Variants in GRIA1 observed in about 807,000 individuals in gnomAD.
GRIA1 encodes glutamate receptor 1.
In GRIA1, 31 loss-of-function variants were observed where a neutral mutation model predicts 99.2. The ratio of observed to expected loss-of-function variants is 0.31; its 90% CI spans 0.23 to 0.42. The LOEUF is 0.42. Ranked by LOEUF, GRIA1 falls within the 10% of genes least tolerant of loss-of-function variation. The pLI, the probability that GRIA1 is intolerant of heterozygous loss-of-function variation, is 1.00. For synonymous variants in GRIA1, 438 were observed against 432.4 expected (o/e 1.01, Z -0.16); for missense variants, 782 against 1,157.5 (o/e 0.68, Z 4.71).
intron 2 of GRIA1, among the ~76,000 whole-genome samples, chr5:153,538,696 A>C (rs913926366): frequency 6.6e-6 from 1 of 151,812 alleles, no homozygotes; most frequent in Admixed American, 6.6e-5. Context: ...CCACCCACCC[A>C]CCCTTTTTGT....
At position 153,525,974 on chromosome 5, in the gene GRIA1, A is replaced by G. The variant is rs372030759; in HGVS notation, c.220+31909A>G. Among the ~76,000 whole-genome samples, 8 of 152,202 alleles carry G rather than the reference A, an allele frequency of 5.3e-5. No homozygotes were observed. The East Asian group carries it at 1.2e-3, about 22-fold the overall frequency. On this transcript the variant is annotated intron_variant, in intron 2 of 15. Coordinates refer to ENST00000285900, the MANE Select transcript of GRIA1 (RefSeq NM_000827.4). ...CAAGTTTCCTATTAGTAATTTAGCAACAGTCACTCAACACTGTAAAAGAAA... is the reference window on the plus strand; with the variant it reads ...CAAGTTTCCTATTAGTAATTTAGCAGCAGTCACTCAACACTGTAAAAGAAA...
chr5:153,752,532 A>C (rs1191148031), intron 11 of GRIA1, among the ~76,000 whole-genome samples: 7 of 152,324 alleles, frequency 4.6e-5, no homozygotes, highest in South Asian at 4.1e-4. Flanking sequence ...AGCACTTTGC[A>C]GGAAATCCAT....
chr5:153,769,475 G>GA (rs989975236), intron 12 of GRIA1, among the ~76,000 whole-genome samples: 2 of 152,082 alleles, frequency 1.3e-5, no homozygotes, highest in Admixed American at 6.5e-5. Context: ...ATCTCAAGTG[G>GA]AAAAAACAGT....
intron 2 of GRIA1, among the ~76,000 whole-genome samples, chr5:153,531,930 G>A (rs1758130684): frequency 6.6e-6 from 1 of 152,138 alleles, no homozygotes; most frequent in African/African-American, 2.4e-5. Flanking sequence ...CAGGTAGTGA[G>A]TAAGTGGTAG....
At chr5:153,536,786 G>A (rs1193913130) in intron 2 of GRIA1, among the ~76,000 whole-genome samples, 2 of 152,182 alleles carry the variant, frequency 1.3e-5, no homozygotes, top group African/African-American at 4.8e-5. Context: ...TATGGAGAAA[G>A]GGCAGAAGAC....
At position 153,567,239 on chromosome 5, in the gene GRIA1, A is replaced by G. The variant is rs573550852; in HGVS notation, c.220+73174A>G. Among the ~76,000 whole-genome samples, 22 of 152,338 alleles carry G rather than the reference A, an allele frequency of 1.4e-4. No individual in the cohort carries two copies. The South Asian group carries it at 4.6e-3, about 32-fold the overall frequency. On this transcript the variant is annotated intron_variant, in intron 2 of 15. Transcript: ENST00000285900. Reference sequence around the variant, plus strand: ...GATATGTCAGTGAATAGGATAGAACAATGTCCTTGCTCTCCTGAAACTAAT... The same window carrying G: ...GATATGTCAGTGAATAGGATAGAACGATGTCCTTGCTCTCCTGAAACTAAT...
intron 2 of GRIA1, among the ~76,000 whole-genome samples, chr5:153,597,332 G>C (rs1473685452): frequency 6.6e-6 from 1 of 152,160 alleles, no homozygotes; most frequent in Non-Finnish European, 1.5e-5. Flanking sequence ...CATGGATCCT[G>C]CACCCCATTT....
At chr5:153,583,940 T>C (rs1163770303) in intron 2 of GRIA1, among the ~76,000 whole-genome samples, 1 of 152,208 alleles carries the variant, frequency 6.6e-6, no homozygotes, top group African/African-American at 2.4e-5. Context: ...TTTTGGAGTC[T>C]GGACCTGGTG....
At position 153,686,216 on chromosome 5, in the gene GRIA1, G is replaced by T; in HGVS notation, c.1030-9G>T. 6.2e-7 allele frequency: 1 copy of T among 1,609,846 alleles called. No homozygotes were observed. The highest frequency in any genetic ancestry group is 8.5e-7 in the Non-Finnish European group (1 of 1,176,160). On this transcript the variant is annotated splice_polypyrimidine_tract_variant and intron_variant, in intron 7 of 15. Coordinates refer to ENST00000285900, the MANE Select transcript of GRIA1 (RefSeq NM_000827.4). ...AGTTCACTGCCCACCACTTGGTTTT[G>T]TTTTCCAGGTGCGATTTGAAGGTTT...
intron 11 of GRIA1, among the ~76,000 whole-genome samples, chr5:153,744,498 A>ATGTT (rs1018472910): frequency 5.9e-5 from 9 of 152,206 alleles, no homozygotes; most frequent in African/African-American, 2.2e-4. Context: ...TTGTGCAATC[A>ATGTT]TGTTTTTGCT....
intron 2 of GRIA1, among the ~76,000 whole-genome samples, chr5:153,556,679 C>T (rs927236370): frequency 6.6e-6 from 1 of 152,116 alleles, no homozygotes; most frequent in Non-Finnish European, 1.5e-5. Context: ...TTTCGAAAGG[C>T]CCTTCCACTT....
intron 12 of GRIA1, among the ~76,000 whole-genome samples, chr5:153,769,203 G>A (rs1356858776): frequency 6.6e-6 from 1 of 152,166 alleles, no homozygotes; most frequent in Non-Finnish European, 1.5e-5. Flanking sequence ...GTTTCTCAAA[G>A]TGAGGACCAT....
intron 12 of GRIA1, 74 bp from the exon 13 acceptor site, chr5:153,770,094 A>T: frequency 6.9e-7 from 1 of 1,458,130 alleles, no homozygotes; most frequent in Non-Finnish European, 9.5e-7. Flanking sequence ...AGCTACACTC[A>T]GCTCTTCATT....
chr5:153,789,447 A>T (rs904142776), intron 13 of GRIA1, among the ~76,000 whole-genome samples: 6 of 152,036 alleles, frequency 3.9e-5, no homozygotes, highest in Non-Finnish European at 7.4e-5. Context: ...ACAATTTCCA[A>T]GTCATTTTAT....
At chr5:153,613,366 T>A (rs1465960977) in intron 2 of GRIA1, among the ~76,000 whole-genome samples, 3 of 152,218 alleles carry the variant, frequency 2.0e-5, no homozygotes, top group Non-Finnish European at 4.4e-5. Flanking sequence ...TTCCAGTCCA[T>A]TAGTCTTATT....
chr5:153,579,340 AT>A (rs993146375), intron 2 of GRIA1, among the ~76,000 whole-genome samples: 3 of 152,162 alleles, frequency 2.0e-5, no homozygotes, highest in African/African-American at 7.2e-5. Context: ...TGTATTCTCT[AT>A]TTTTGGGCTA....
At chr5:153,529,015 G>A (rs1757862537) in intron 2 of GRIA1, among the ~76,000 whole-genome samples, 1 of 152,176 alleles carries the variant, frequency 6.6e-6, no homozygotes, top group South Asian at 2.1e-4. Flanking sequence ...TATCCTGACT[G>A]GAACAATGGA....
chr5:153,801,324 C>T (rs1486606712), intron 14 of GRIA1, among the ~76,000 whole-genome samples: 1 of 146,092 alleles, frequency 6.8e-6, no homozygotes, highest in African/African-American at 2.7e-5. Flanking sequence ...CTGGCCACCT[C>T]CCACCATGAC....
chr5:153,731,841 A>G (rs7731036), intron 11 of GRIA1, among the ~76,000 whole-genome samples: 83,034 of 151,880 alleles, frequency 0.55, 23,802 homozygotes, highest in East Asian at 0.94. Flanking sequence ...CACCTTAGGT[A>G]TCCGGAACTT....
Sources: allele counts gnomAD v4.1 joint callset (sites outside exome capture counted in the v4.1 genomes callset), GRCh38; gene constraint gnomAD v4.1.1; transcripts MANE v1.5; gene names NCBI Gene and HGNC (gene_info 2026-07-23, HGNC 2026-07-21).